SSBP2: variants seen among roughly 807,000 people sequenced by gnomAD.
SSBP2 encodes the protein single-stranded DNA-binding protein 2.
In SSBP2, 17 loss-of-function variants were observed where a neutral mutation model predicts 61.8. That is an observed-to-expected ratio of 0.28 (90% confidence interval 0.19 to 0.41). The LOEUF is 0.41. Among genes scored for constraint, SSBP2 ranks in the 10% least tolerant of loss-of-function variants. The pLI is 1.00. For missense variants in SSBP2, 310 were observed against 458.7 expected, an observed-to-expected ratio of 0.68 and a Z score of 2.96; for synonymous variants, 139 against 141.3, an observed-to-expected ratio of 0.98 and a Z score of 0.12.
At chr5:81,651,441 C>T (rs1183377285) in intron 1 of SSBP2, among the ~76,000 whole-genome samples, 1 of 152,136 alleles carries the variant, frequency 6.6e-6, no homozygotes, top group Non-Finnish European at 1.5e-5. Context: ...TTAATTCTTT[C>T]CCCATTCCAA....
At chr5:81,519,226 C>T (rs536013419) in intron 4 of SSBP2, among the ~76,000 whole-genome samples, 4 of 152,146 alleles carry the variant, frequency 2.6e-5, no homozygotes, top group Admixed American at 6.5e-5. Flanking sequence ...AGTAAAACTG[C>T]CTTAGACAAA....
intron 3 of SSBP2, among the ~76,000 whole-genome samples, chr5:81,624,429 T>G (rs774763381): frequency 6.6e-6 from 1 of 151,996 alleles, no homozygotes; most frequent in African/African-American, 2.4e-5. Flanking sequence ...CAGATTTAAA[T>G]TTTTTTTGAT....
At chr5:81,714,352 T>C (rs1198458401) in intron 1 of SSBP2, among the ~76,000 whole-genome samples, 1 of 152,218 alleles carries the variant, frequency 6.6e-6, no homozygotes, top group East Asian at 1.9e-4. Flanking sequence ...TTGTGAATAG[T>C]GCTGCAATAA....
Position 81,494,235 on chromosome 5 carries a change from T to TA in SSBP2, c.373-4927dup, listed in dbSNP as rs1451368868. Among the ~76,000 whole-genome samples the TA allele has an allele frequency of 2.6e-5, 4 of 152,322 alleles. No homozygotes were observed. In the East Asian group the frequency reaches 7.7e-4, roughly 29 times the overall value. ...ATACTGAAGATCAAGGCTATGCTTT[T>TA]AAAAAAGTTTCAAAATTAGGAAAAA... On this transcript the variant is annotated intron_variant, in intron 5 of 16. Coordinates refer to ENST00000320672, the MANE Select transcript of SSBP2 (RefSeq NM_012446.5).
intron 4 of SSBP2, 169 bp downstream of exon 4, chr5:81,615,304 C>A: frequency 1.6e-6 from 1 of 623,104 alleles, no homozygotes; most frequent in Non-Finnish European, 2.8e-6. Flanking sequence ...ACTCAAATGC[C>A]CCTTTCTATT....
At chr5:81,531,972 C>T in intron 4 of SSBP2, among the ~76,000 whole-genome samples, 1 of 152,026 alleles carries the variant, frequency 6.6e-6, no homozygotes. Context: ...CAAATGTTCT[C>T]AGTTTTCTCT....
intron 13 of SSBP2, among the ~76,000 whole-genome samples, chr5:81,441,622 C>T (rs1380903826): frequency 6.6e-6 from 1 of 152,126 alleles, no homozygotes; most frequent in Admixed American, 6.6e-5. Context: ...CTTTGGCAGG[C>T]AAACCTGTAC....
At chr5:81,493,528 G>C (rs1411638819) in intron 5 of SSBP2, among the ~76,000 whole-genome samples, 2 of 152,122 alleles carry the variant, frequency 1.3e-5, no homozygotes, top group Admixed American at 1.3e-4. Context: ...GGCCAAGGTG[G>C]GCGGATCATG....
At chr5:81,473,508 T>C (rs2154023187) in intron 8 of SSBP2, among the ~76,000 whole-genome samples, 192 bp downstream of exon 8, 1 of 152,288 alleles carries the variant, frequency 6.6e-6, no homozygotes, top group East Asian at 1.9e-4. Context: ...TCTGTTTCTG[T>C]GTTAGTTTGC....
chr5:81,468,410 A>C (rs975224590), intron 8 of SSBP2, among the ~76,000 whole-genome samples: 2 of 151,938 alleles, frequency 1.3e-5, no homozygotes, highest in Non-Finnish European at 2.9e-5. Flanking sequence ...TATCCTTCTA[A>C]AACTCAGTCC....
At chr5:81,522,689 T>C (rs1264679525) in intron 4 of SSBP2, among the ~76,000 whole-genome samples, 3 of 152,120 alleles carry the variant, frequency 2.0e-5, no homozygotes, top group Middle Eastern at 3.2e-3. Context: ...AACCTAGAAA[T>C]CATTTACATT....
At chr5:81,657,714 T>A (rs1294957755) in intron 1 of SSBP2, among the ~76,000 whole-genome samples, 2 of 152,188 alleles carry the variant, frequency 1.3e-5, no homozygotes, top group African/African-American at 4.8e-5. Context: ...AGTAAAAGAT[T>A]AAACTTTGTG....
chr5:81,669,655 G>T (rs1005687290), intron 1 of SSBP2, among the ~76,000 whole-genome samples: 3 of 152,060 alleles, frequency 2.0e-5, no homozygotes, highest in Non-Finnish European at 4.4e-5. Flanking sequence ...CCTGTTGGGG[G>T]ATGGGGGATG....
chr5:81,615,693 T>C lies in SSBP2; in HGVS notation c.198-136A>G, dbSNP rs1015030322. 6.6e-5 allele frequency: 39 copies of C among 594,332 alleles called. No individual in the cohort carries two copies. In the African/African-American group the frequency reaches 7.3e-4, roughly 11 times the overall value. The allele number at this position is 594,332 out of a possible 1,614,324, so 36.8% of individuals were successfully genotyped here. On this transcript the variant is annotated intron_variant, in intron 3 of 16. Transcript: ENST00000320672. ...AGAACAGATATCTATCTGAAAGACT[T>C]AAACGCAAGCAAGGCTCTTCATGCA...
intron 1 of SSBP2, among the ~76,000 whole-genome samples, chr5:81,719,121 T>C (rs1163195584): frequency 2.0e-5 from 3 of 152,206 alleles, no homozygotes; most frequent in Non-Finnish European, 4.4e-5. Flanking sequence ...CATCCTTGTT[T>C]ATGCATTAGG....
At chr5:81,656,993 C>G (rs893119600) in intron 1 of SSBP2, among the ~76,000 whole-genome samples, 1 of 152,114 alleles carries the variant, frequency 6.6e-6, no homozygotes, top group Non-Finnish European at 1.5e-5. Flanking sequence ...GAACAAGTCA[C>G]TCCCATGCTT....
intron 1 of SSBP2, among the ~76,000 whole-genome samples, chr5:81,726,460 G>A (rs561914464): frequency 2.6e-5 from 4 of 152,110 alleles, no homozygotes; most frequent in Non-Finnish European, 5.9e-5. Context: ...TGAAAGGGGT[G>A]GAATTCAAGC....
At chr5:81,501,216 T>C (rs1347754310) in intron 5 of SSBP2, among the ~76,000 whole-genome samples, 12 of 5,664 alleles carry the variant, frequency 2.1e-3, no homozygotes, top group Admixed American at 7.0e-3. Context: ...ATCTCAAATA[T>C]ATATATATAT....
At chr5:81,567,015 G>C (rs1773471841) in intron 4 of SSBP2, among the ~76,000 whole-genome samples, 1 of 152,154 alleles carries the variant, frequency 6.6e-6, no homozygotes, top group African/African-American at 2.4e-5. Flanking sequence ...AGTTTTAAAA[G>C]CATAAAAGTT....
Sources: gnomAD v4.1 joint callset for allele counts (sites outside exome capture counted in the v4.1 genomes callset) on GRCh38, gnomAD v4.1.1 for gene constraint, MANE v1.5 for transcripts, NCBI Gene and HGNC (gene_info 2026-07-23, HGNC 2026-07-21) for gene names.